PTPRT: variants seen among roughly 807,000 people sequenced by gnomAD.
PTPRT encodes the protein receptor-type tyrosine-protein phosphatase T.
A neutral mutation model predicts 176.8 loss-of-function variants in PTPRT; 56 were observed. The observed-to-expected ratio is 0.32, with a 90% CI of 0.26 to 0.40. The LOEUF is 0.40. Among genes scored for constraint, PTPRT ranks in the 10% least tolerant of loss-of-function variants. The pLI is 1.00. For synonymous variants in PTPRT, 783 were observed against 739.0 expected, an observed-to-expected ratio of 1.06 and a Z score of -0.96; for missense variants, 1,540 against 1,908.2, an observed-to-expected ratio of 0.81 and a Z score of 3.60.
At chr20:42,248,575 A>C in intron 14 of PTPRT, 112 bp downstream of exon 14, 1 of 1,373,434 alleles carries the variant, frequency 7.3e-7, no homozygotes, top group Non-Finnish European at 1.0e-6. Context: ...CTCAATGGTT[A>C]TAACAGAAGA....
At chr20:42,469,602 C>G (rs1379044280) in intron 8 of PTPRT, among the ~76,000 whole-genome samples, 1 of 152,204 alleles carries the variant, frequency 6.6e-6, no homozygotes, top group Non-Finnish European at 1.5e-5. Context: ...TGACAGCGCA[C>G]AATTCTACCT....
At chr20:43,056,529 A>C (rs760001035) in intron 1 of PTPRT, among the ~76,000 whole-genome samples, 1 of 152,252 alleles carries the variant, frequency 6.6e-6, no homozygotes, top group Non-Finnish European at 1.5e-5. Flanking sequence ...AAGTCTTTTA[A>C]GATGAGGCAT....
At chr20:42,466,596 T>C (rs2071106177) in intron 8 of PTPRT, among the ~76,000 whole-genome samples, 1 of 152,124 alleles carries the variant, frequency 6.6e-6, no homozygotes, top group Non-Finnish European at 1.5e-5. Context: ...TTTCAGGAAA[T>C]GAAAACTATG....
At chr20:42,283,751 A>G (rs180723206) in intron 12 of PTPRT, among the ~76,000 whole-genome samples, 14 of 152,216 alleles carry the variant, frequency 9.2e-5, no homozygotes, top group Non-Finnish European at 2.1e-4. Context: ...TATTGGCTAG[A>G]ACCAGACACA....
At chr20:43,040,065 A>G (rs183435832) in intron 1 of PTPRT, among the ~76,000 whole-genome samples, 7 of 152,224 alleles carry the variant, frequency 4.6e-5, no homozygotes, top group African/African-American at 1.7e-4. Context: ...AAAGAAGAAG[A>G]AAGAAGGAAG....
At chr20:42,048,314 T>C in the PTPRT span, among the ~76,000 whole-genome samples, 4 of 152,340 alleles carry the variant, frequency 2.6e-5, no homozygotes, top group East Asian at 7.7e-4. Flanking sequence ...GCCTGCATAT[T>C]CTCTGGTGCT....
chr20:42,131,927 G>A (rs926916435), intron 18 of PTPRT, among the ~76,000 whole-genome samples: 3 of 152,178 alleles, frequency 2.0e-5, no homozygotes, highest in Admixed American at 6.5e-5. Flanking sequence ...CAAGCACCGT[G>A]GGGGAGCTGC....
At chr20:42,132,724 C>T (rs1416397001) in intron 18 of PTPRT, among the ~76,000 whole-genome samples, 1 of 152,154 alleles carries the variant, frequency 6.6e-6, no homozygotes, top group Non-Finnish European at 1.5e-5. Context: ...GGTGGGAATG[C>T]AAAATGGTAC....
chr20:42,331,339 T>C (rs1271020103), intron 11 of PTPRT, among the ~76,000 whole-genome samples: 1 of 152,074 alleles, frequency 6.6e-6, no homozygotes, highest in Non-Finnish European at 1.5e-5. Context: ...GAGTAATCAG[T>C]AGGGCGCCTG....
At position 42,793,207 on chromosome 20, in the gene PTPRT, G is replaced by A. The variant is rs753164368; in HGVS notation, c.215-1741C>T. 3.3e-5 allele frequency among the ~76,000 whole-genome samples: 5 copies of A among 152,124 alleles called. No individual in the cohort carries two copies. The East Asian group carries it at 5.8e-4, about 18-fold the overall frequency. On this transcript the variant is annotated intron_variant, in intron 2 of 30. Transcript: ENST00000373187. ...AGAAAAACTTGTGTGTAAATATAAG[G>A]GATACAAGTGCAGCTGTGTTTCATG...
chr20:43,033,589 G>T (rs1007017425), intron 1 of PTPRT, among the ~76,000 whole-genome samples: 6 of 152,196 alleles, frequency 3.9e-5, no homozygotes, highest in Admixed American at 2.6e-4. Flanking sequence ...ATGTTAATTA[G>T]TTACAAGTTG....
intron 1 of PTPRT, among the ~76,000 whole-genome samples, chr20:43,101,184 G>A (rs983273559): frequency 2.6e-5 from 4 of 152,080 alleles, no homozygotes; most frequent in East Asian, 1.9e-4. Context: ...CAAGTGCTCC[G>A]AACCTCAGTT....
intron 9 of PTPRT, among the ~76,000 whole-genome samples, chr20:42,396,381 C>T (rs953504196): frequency 2.0e-5 from 3 of 152,170 alleles, no homozygotes; most frequent in African/African-American, 7.2e-5. Flanking sequence ...TATTAAAATG[C>T]CTGCTCAGCA....
intron 12 of PTPRT, among the ~76,000 whole-genome samples, chr20:42,297,481 T>G (rs1235777257): frequency 6.6e-6 from 1 of 152,158 alleles, no homozygotes; most frequent in Non-Finnish European, 1.5e-5. Flanking sequence ...ATGTATAAAT[T>G]TAATGCAATC....
chr20:42,928,179 G>A (rs968610836), intron 1 of PTPRT, among the ~76,000 whole-genome samples: 2 of 152,342 alleles, frequency 1.3e-5, no homozygotes, highest in Non-Finnish European at 1.5e-5. Flanking sequence ...CAAGGCTCTG[G>A]TTCCCTGCCC....
At chr20:43,188,958 T>C (rs1392186119) in intron 1 of PTPRT, among the ~76,000 whole-genome samples, 1 of 152,074 alleles carries the variant, frequency 6.6e-6, no homozygotes, top group African/African-American at 2.4e-5. Context: ...TCCCCGAACT[T>C]TTCAGGAGCG....
chr20:42,254,519 G>T (rs1024544183), intron 13 of PTPRT, among the ~76,000 whole-genome samples: 1 of 152,308 alleles, frequency 6.6e-6, no homozygotes, highest in African/African-American at 2.4e-5. Context: ...AGATTCAGAT[G>T]AGACCTATTT....
intron 5 of PTPRT, among the ~76,000 whole-genome samples, chr20:42,764,714 C>T (rs1432845277): frequency 6.6e-6 from 1 of 152,236 alleles, no homozygotes; most frequent in African/African-American, 2.4e-5. Context: ...GCTACAATCA[C>T]ATCTAACTGA....
intron 1 of PTPRT, among the ~76,000 whole-genome samples, chr20:43,060,449 C>G (rs1259153101): frequency 1.3e-5 from 2 of 152,084 alleles, no homozygotes; most frequent in Admixed American, 1.3e-4. Context: ...TCCCAAAGGC[C>G]CCACCTCCAA....
Sources: allele counts gnomAD v4.1 joint callset (sites outside exome capture counted in the v4.1 genomes callset), GRCh38; gene constraint gnomAD v4.1.1; transcripts MANE v1.5; gene names NCBI Gene and HGNC (gene_info 2026-07-23, HGNC 2026-07-21).